The following BARX2 variants were observed in gnomAD, a reference collection of about 807,000 sequenced individuals.
The protein encoded by BARX2 is BARX homeobox 2, also known as homeobox protein BarH-like 2.
BARX2 carries 11 observed loss-of-function variants against 25.5 expected under a neutral mutation model. That is an observed-to-expected ratio of 0.43 (90% CI 0.27 to 0.71). BARX2 has a LOEUF of 0.71. BARX2 is among the 30% of genes least tolerant of loss of function. The probability of loss-of-function intolerance (pLI) is 0.19; values close to 1 mark genes in which losing one functional copy is unlikely to be tolerated. For missense variants in BARX2, 360 were observed against 359.9 expected (o/e 1.00, Z 0.00); for synonymous variants, 137 against 149.5 (o/e 0.92, Z 0.61).
At chr11:129,379,525 C>T (rs1036164836) in intron 1 of BARX2, among the ~76,000 whole-genome samples, 4 of 151,420 alleles carry the variant, frequency 2.6e-5, no homozygotes, top group Non-Finnish European at 4.4e-5. Flanking sequence ...TTTCTTTTTC[C>T]GGTTGTGATT....
rs910207290 is a variant in BARX2, at chr11:129,436,676, G to T, written c.188-75G>T. On this transcript the variant is annotated intron_variant, in intron 1 of 3. Transcript: ENST00000281437. The surrounding 1 kb of genome is among the most constrained non-coding windows in gnomAD (Gnocchi z 4.5). ...CTCCCTGTCAGACAGACCTCAGCCA[G>T]CGGCCCTCCGCAGGTCCTGGCCTGC... is the stretch of plus-strand genomic sequence containing the variant. The T allele has an allele frequency of 3.9e-5, 57 of 1,470,156 alleles. No individual in the cohort carries two copies. The highest frequency in any genetic ancestry group is 5.0e-5 in the Non-Finnish European group (55 of 1,096,048). 91.1% of individuals were successfully genotyped at this position (1,470,156 alleles called of 1,614,324 possible).
intron 1 of BARX2, among the ~76,000 whole-genome samples, chr11:129,413,099 A>T (rs1861906291): frequency 6.6e-6 from 1 of 152,262 alleles, no homozygotes; most frequent in African/African-American, 2.4e-5. Context: ...ACTGCAAATA[A>T]TTCATTTAAT....
At chr11:129,410,860 T>A (rs1483655751) in intron 1 of BARX2, among the ~76,000 whole-genome samples, 2 of 152,220 alleles carry the variant, frequency 1.3e-5, no homozygotes, top group African/African-American at 4.8e-5. Flanking sequence ...TGTGCCTGAC[T>A]CTGCCTGGTC....
At position 129,375,953 on chromosome 11, in the gene BARX2, C is replaced by T. The variant is rs567517303; in HGVS notation, c.-83C>T. ...GCTGCCGGGAGCGGGGCCCAGGCCCCGCCGTCGCGCCAGCCCCGCGGCCCC... is the reference window on the plus strand; with the variant it reads ...GCTGCCGGGAGCGGGGCCCAGGCCCTGCCGTCGCGCCAGCCCCGCGGCCCC... On this transcript the variant is annotated 5_prime_UTR_variant, in exon 1 of 4. Coordinates refer to ENST00000281437, the MANE Select transcript of BARX2 (RefSeq NM_003658.5). This position sits in a 1 kb window ranked among gnomAD's most constrained non-coding sequence, Gnocchi z 4.0. 7.0e-6 allele frequency: 6 copies of T among 858,716 alleles called. No individual in the cohort carries two copies. In the East Asian group the frequency reaches 3.3e-4, roughly 47 times the overall value. The allele number at this position is 858,716 out of a possible 1,614,324, so 53.2% of individuals were successfully genotyped here. A position where few individuals can be genotyped will look rare whatever the true frequency, so the allele number is the denominator to read the frequency against.
At chr11:129,387,846 G>T (rs1049836868) in intron 1 of BARX2, among the ~76,000 whole-genome samples, 1 of 152,170 alleles carries the variant, frequency 6.6e-6, no homozygotes, top group Admixed American at 6.6e-5. Flanking sequence ...CACGTGCCCG[G>T]CACTGTGCTA....
intron 1 of BARX2, among the ~76,000 whole-genome samples, chr11:129,416,943 C>T (rs1861950793): frequency 6.6e-6 from 1 of 151,162 alleles, no homozygotes; most frequent in South Asian, 2.1e-4. Context: ...GCTGTGTCAC[C>T]CAGGCTGGAG....
chr11:129,417,002 C>T (rs1265221962), intron 1 of BARX2, among the ~76,000 whole-genome samples: 5 of 151,774 alleles, frequency 3.3e-5, no homozygotes, highest in African/African-American at 1.2e-4. Flanking sequence ...CCCGGGTTCA[C>T]GCCATTCTCC....
At chr11:129,423,643 T>G (rs1244268681) in intron 1 of BARX2, among the ~76,000 whole-genome samples, 1 of 152,166 alleles carries the variant, frequency 6.6e-6, no homozygotes, top group East Asian at 1.9e-4. Context: ...GTTTCAAAAC[T>G]TATGTGAAAA....
chr11:129,413,454 T>C (rs1187407429), intron 1 of BARX2, among the ~76,000 whole-genome samples: 2 of 152,094 alleles, frequency 1.3e-5, no homozygotes, highest in South Asian at 2.1e-4. Flanking sequence ...TGAGTAGATA[T>C]TTGGTTGGAA....
chr11:129,411,984 A>G (rs1021219704), intron 1 of BARX2, among the ~76,000 whole-genome samples: 1 of 152,190 alleles, frequency 6.6e-6, no homozygotes, highest in African/African-American at 2.4e-5. Context: ...CCAAAGAAGT[A>G]GTTTATGGCC....
chr11:129,405,615 G>C (rs1861821834), intron 1 of BARX2, among the ~76,000 whole-genome samples: 1 of 151,674 alleles, frequency 6.6e-6, no homozygotes, highest in South Asian at 2.1e-4. Context: ...AAATGTGATT[G>C]TTTGGGGAAT....
At chr11:129,419,170 T>C (rs78938952) in intron 1 of BARX2, among the ~76,000 whole-genome samples, 8,068 of 152,284 alleles carry the variant, frequency 0.053, 655 homozygotes, top group African/African-American at 0.18. Context: ...GCTGAGAAGC[T>C]TCTGGCCACC....
At chr11:129,407,833 AC>A (rs773162084) in intron 1 of BARX2, among the ~76,000 whole-genome samples, 5 of 151,956 alleles carry the variant, frequency 3.3e-5, no homozygotes, top group Non-Finnish European at 7.4e-5. Flanking sequence ...AAAGGCTCTT[AC>A]CCCTCACTTG....
In BARX2 at chr11:129,376,712, T is replaced by C. The variant is rs1395531699; in HGVS notation, c.187+490T>C. On this transcript the variant is annotated intron_variant, in intron 1 of 3. Transcript: ENST00000281437. The surrounding 1 kb of genome is among the most constrained non-coding windows in gnomAD (Gnocchi z 4.2). ...ACAAAATCTCGAATTCACTGAGCTT[T>C]GCTTACAATGATCGCCCTCTGAGAA... 6.6e-6 allele frequency among the ~76,000 whole-genome samples: 1 copy of C among 152,246 alleles called. No homozygotes were observed. The highest frequency in any genetic ancestry group is 6.5e-5 in the Admixed American group (1 of 15,282).
At chr11:129,378,567 T>C (rs999292583) in intron 1 of BARX2, among the ~76,000 whole-genome samples, 3 of 144,126 alleles carry the variant, frequency 2.1e-5, no homozygotes, top group African/African-American at 2.5e-5. Flanking sequence ...CTTTTTCTTT[T>C]TTTTTTTTTT....
intron 1 of BARX2, among the ~76,000 whole-genome samples, chr11:129,413,374 G>A (rs1315587096): frequency 6.6e-6 from 1 of 152,210 alleles, no homozygotes; most frequent in African/African-American, 2.4e-5. Flanking sequence ...TAGGACCAGA[G>A]TCGGCAGCAG....
chr11:129,376,099 T>TA lies in BARX2; in HGVS notation c.65dup (p.Tyr22Ter). Reference protein sequence around the residue: ...PGQLKAARRRYKTFMIDEILS... With the variant: ...PGQLKAARRR ...CCAGCTCAAAGCAGCCAGGCGGCGC[T>TA]ACAAGACTTTCATGATCGACGAGAT... Residue 22 changes from tyrosine to a stop codon, truncating the protein, a stop_gained and frameshift_variant, in exon 1 of 4, where the codon TAC (tyrosine) becomes TAAC (stop). Transcript: ENST00000281437. LOFTEE classifies it high-confidence loss of function. The surrounding 1 kb of genome is among the most constrained non-coding windows in gnomAD (Gnocchi z 4.2). 6.2e-7 allele frequency: 1 copy of TA among 1,612,794 alleles called. No individual in the cohort carries two copies. Among genetic ancestry groups the TA allele is most frequent in the Non-Finnish European group, 8.5e-7 (1 of 1,179,480 alleles).
At chr11:129,389,971 A>G (rs1397655354) in intron 1 of BARX2, among the ~76,000 whole-genome samples, 2 of 152,164 alleles carry the variant, frequency 1.3e-5, no homozygotes, top group Non-Finnish European at 2.9e-5. Context: ...GTAATGATGG[A>G]TGGCTGTCAC....
chr11:129,412,178 A>T (rs1377443143), intron 1 of BARX2, among the ~76,000 whole-genome samples: 2 of 152,032 alleles, frequency 1.3e-5, no homozygotes, highest in African/African-American at 2.4e-5. Context: ...AGGCTGAGGC[A>T]GGAGAACGGC....
Sources: allele counts gnomAD v4.1 joint callset (sites outside exome capture counted in the v4.1 genomes callset), GRCh38; gene constraint gnomAD v4.1.1; non-coding constraint Gnocchi (gnomAD v3.1); transcripts MANE v1.5; gene names NCBI Gene and HGNC (gene_info 2026-07-23, HGNC 2026-07-21).